Variants in SRP19 observed in about 807,000 individuals in gnomAD.
The protein encoded by SRP19 is signal recognition particle 19.
A neutral mutation model predicts 22.4 loss-of-function variants in SRP19; 11 were observed. The observed-to-expected ratio is 0.49, with a 90% CI of 0.31 to 0.81. The LOEUF (loss-of-function observed/expected upper bound fraction) is 0.81, where lower values mean the gene tolerates loss of function less well. Ranked by LOEUF, SRP19 falls within the 40% of genes least tolerant of loss-of-function variation. The pLI is 0.05. For missense variants in SRP19, 168 were observed against 175.9 expected, an observed-to-expected ratio of 0.96 and a Z score of 0.25; for synonymous variants, 61 against 57.6, an observed-to-expected ratio of 1.06 and a Z score of -0.27.
In SRP19 at chr5:112,891,600, T is replaced by C. The variant is rs747866066; in HGVS notation, c.302-3T>C. On this transcript the variant is annotated splice_region_variant and splice_polypyrimidine_tract_variant and intron_variant, in intron 4 of 4. Coordinates refer to the SRP19 transcript ENST00000391338. ...GAACAAAATCTTCCATATATTCCCATAGGTTAAGAATGTCTGAGGGGTCAG... is the reference window on the plus strand; with the variant it reads ...GAACAAAATCTTCCATATATTCCCACAGGTTAAGAATGTCTGAGGGGTCAG... The C allele has an allele frequency of 2.0e-5, 32 of 1,562,662 alleles. No homozygotes were observed. The Admixed American group carries it at 5.0e-4, about 25-fold the overall frequency.
At chr5:112,872,572 G>A (rs868475851), downstream of SRP19, among the ~76,000 whole-genome samples, 1 of 152,008 alleles carries the variant, frequency 6.6e-6, no homozygotes, top group Non-Finnish European at 1.5e-5. Context: ...CAAGTGATCC[G>A]CACACCTTGG....
In SRP19 at chr5:112,868,341, C is replaced by G; in HGVS notation, c.*804C>G. ...GTTCTTCCTGAGGCCTGGTTTAGCT[C>G]TTCCTTGAATTCTGCAAGCTATCTC... On this transcript the variant is annotated 3_prime_UTR_variant, in exon 5 of 5. Coordinates refer to ENST00000505459, the MANE Select transcript of SRP19 (RefSeq NM_003135.3). The G allele has an allele frequency of 2.0e-6, 2 of 987,960 alleles. No individual in the cohort carries two copies. The highest frequency in any genetic ancestry group is 2.4e-6 in the Non-Finnish European group (2 of 831,652). The allele number at this position is 987,960 out of a possible 1,614,324, so 61.2% of individuals were successfully genotyped here. A position where few individuals can be genotyped will look rare whatever the true frequency, so the allele number is the denominator to read the frequency against.
At chr5:112,864,392 C>T (rs1277670227) in intron 2 of SRP19, 65 bp from the exon 3 acceptor site, 3 of 1,361,104 alleles carry the variant, frequency 2.2e-6, no homozygotes, top group South Asian at 1.2e-5. Flanking sequence ...AAATTATTTA[C>T]CCAACACTAT....
intron 1 of SRP19, 101 bp from the exon 2 acceptor site, chr5:112,862,407 A>C (rs1390630363): frequency 8.4e-6 from 8 of 948,870 alleles, no homozygotes; most frequent in South Asian, 1.3e-5. Context: ...CCCATCTGAT[A>C]TCTAGGCAGC....
chr5:112,887,201 C>T, intron 4 of SRP19: 2 of 1,561,192 alleles, frequency 1.3e-6, no homozygotes, highest in Non-Finnish European at 1.7e-6. Context: ...GAAAAAGAGC[C>T]AGCATGGGTA....
chr5:112,869,979 CAG>C (rs1359277178), downstream of SRP19, among the ~76,000 whole-genome samples: 2 of 152,034 alleles, frequency 1.3e-5, no homozygotes, highest in Non-Finnish European at 2.9e-5. Context: ...AAATTGGACA[CAG>C]TAACAGATTA....
At chr5:112,891,950 G>A in exon 5 of SRP19, 3 of 1,245,620 alleles carry the variant, frequency 2.4e-6, no homozygotes, top group Non-Finnish European at 3.6e-6. Context: ...GCTAAAAAAT[G>A]GCTAGAAGAA....
In SRP19 at chr5:112,887,319, G is replaced by T; in HGVS notation, c.302-4284G>T. The T allele has an allele frequency of 8.8e-6, 7 of 798,652 alleles. 1 individual carries two copies. Among genetic ancestry groups the T allele is most frequent in the Non-Finnish European group, 1.2e-5 (7 of 569,698 alleles). 49.5% of individuals were successfully genotyped at this position (798,652 alleles called of 1,614,324 possible). ...CCCAAAGGCATTACCAGTGTTTTCTGCAGGTTAAAGGTGGGCTTTCTTTAG... is the reference window on the plus strand; with the variant it reads ...CCCAAAGGCATTACCAGTGTTTTCTTCAGGTTAAAGGTGGGCTTTCTTTAG... On this transcript the variant is annotated intron_variant, in intron 4 of 4. Transcript: ENST00000391338.
chr5:112,877,413 A>C (rs1225809145), intron 4 of SRP19: 1 of 152,088 alleles, frequency 6.6e-6, no homozygotes, highest in Non-Finnish European at 1.5e-5. Flanking sequence ...ATGGTGTAAA[A>C]CTCAGATTTT....
chr5:112,890,409 C>G (rs114962684), intron 4 of SRP19, among the ~76,000 whole-genome samples: 6,405 of 149,852 alleles, frequency 0.043, 776 homozygotes, highest in African/African-American at 0.15. Flanking sequence ...CACTTTGTCA[C>G]CCAGGCAGGA....
chr5:112,886,964 G>T, intron 4 of SRP19: 2 of 1,373,784 alleles, frequency 1.5e-6, no homozygotes, highest in Non-Finnish European at 2.0e-6. Context: ...TTTGAGCCCA[G>T]TGTGTCACAT....
At chr5:112,874,226 C>T (rs764812896), downstream of SRP19, among the ~76,000 whole-genome samples, 1 of 151,698 alleles carries the variant, frequency 6.6e-6, no homozygotes, top group African/African-American at 2.4e-5. Context: ...GCTTGTAATC[C>T]CAGCACTTTG....
chr5:112,867,420 G>C lies in SRP19; in HGVS notation c.318G>C (p.Leu106Phe). 1.2e-6 allele frequency: 2 copies of C among 1,613,614 alleles called. No individual in the cohort carries two copies. The highest frequency in any genetic ancestry group is 1.7e-6 in the Non-Finnish European group (2 of 1,179,744). ...GGTTCCTAGGTAAGTCAGTAATGTT[G>C]TATGCAGCAGAAATGATACCTAAAC... The part of the protein sequence containing the change: ...VQFPSRKSVM[L>F]YAAEMIPKLK... Residue 106 changes from leucine to phenylalanine, a missense_variant, in exon 5 of 5, where the codon TTG (leucine) becomes TTC (phenylalanine). Transcript: ENST00000505459.
chr5:112,894,785 A>G (rs566292922), downstream of SRP19: 1 of 152,176 alleles, frequency 6.6e-6, no homozygotes, highest in East Asian at 1.9e-4. Flanking sequence ...ATACATTAAA[A>G]TTTTTCCCAC....
chr5:112,877,587 C>T (rs1307793177), intron 4 of SRP19: 3 of 152,140 alleles, frequency 2.0e-5, no homozygotes, highest in Non-Finnish European at 4.4e-5. Flanking sequence ...GACTTGTAAA[C>T]TAGGGAAGCC....
At chr5:112,872,881 A>T (rs761201103), downstream of SRP19, among the ~76,000 whole-genome samples, 7 of 152,136 alleles carry the variant, frequency 4.6e-5, no homozygotes, top group Non-Finnish European at 8.8e-5. Context: ...GACCTTGCAT[A>T]TTTGAAAATT....
At chr5:112,866,082 A>G (rs1212374371) in intron 4 of SRP19, among the ~76,000 whole-genome samples, 1 of 150,960 alleles carries the variant, frequency 6.6e-6, no homozygotes, top group Non-Finnish European at 1.5e-5. Context: ...GGTTGAGTGC[A>G]GTGGCACGAT....
chr5:112,878,724 A>C, intron 4 of SRP19: 1 of 1,600,016 alleles, frequency 6.2e-7, no homozygotes, highest in South Asian at 1.1e-5. Flanking sequence ...ACAGTCCCTA[A>C]TATAACATCA....
intron 4 of SRP19, chr5:112,878,877 C>T: frequency 1.2e-6 from 2 of 1,613,410 alleles, no homozygotes; most frequent in Non-Finnish European, 1.7e-6. Flanking sequence ...TATCAAAGCT[C>T]TTTCTTTGGA....
Sources: gnomAD v4.1 joint callset for allele counts (sites outside exome capture counted in the v4.1 genomes callset) on GRCh38, gnomAD v4.1.1 for gene constraint, MANE v1.5 for transcripts, NCBI Gene and HGNC (gene_info 2026-07-23, HGNC 2026-07-21) for gene names.